The following FRAS1 variants were observed in gnomAD, a reference collection of about 807,000 sequenced individuals.
FRAS1 encodes extracellular matrix organizing protein FRAS1.
FRAS1 carries 290 observed loss-of-function variants against 435.2 expected under a neutral mutation model. The ratio of observed to expected loss-of-function variants is 0.67; its 90% CI spans 0.61 to 0.73. FRAS1 has a LOEUF of 0.73. FRAS1 is among the 30% of genes least tolerant of loss of function. The pLI, the probability that FRAS1 is intolerant of heterozygous loss-of-function variation, is 0.00. For missense variants in FRAS1, 4,860 were observed against 5,001.5 expected (o/e 0.97, Z 0.85); for synonymous variants, 1,800 against 1,851.0 (o/e 0.97, Z 0.71).
chr4:78,254,022 A>G (rs531074153), intron 5 of FRAS1, among the ~76,000 whole-genome samples: 6 of 35,622 alleles, frequency 1.7e-4, no homozygotes, highest in Non-Finnish European at 3.4e-4. Flanking sequence ...AAATAAAGAC[A>G]TGCTCCCCAT....
At chr4:78,081,843 A>G (rs1359714521) in intron 2 of FRAS1, among the ~76,000 whole-genome samples, 1 of 152,082 alleles carries the variant, frequency 6.6e-6, no homozygotes, top group Admixed American at 6.6e-5. Flanking sequence ...CCTTTCTCAA[A>G]GAACCCTGGT....
At chr4:78,319,942 G>A (rs866226000) in intron 18 of FRAS1, among the ~76,000 whole-genome samples, 2 of 152,248 alleles carry the variant, frequency 1.3e-5, no homozygotes, top group South Asian at 4.1e-4. Flanking sequence ...ACCTCTCTAA[G>A]TGTTTGCATT....
At chr4:78,138,612 T>G (rs749669103) in intron 2 of FRAS1, among the ~76,000 whole-genome samples, 2 of 152,216 alleles carry the variant, frequency 1.3e-5, no homozygotes, top group African/African-American at 2.4e-5. Context: ...TACCATTGTG[T>G]GTTCCTGGAC....
chr4:78,534,032 C>T (rs1433837006), intron 70 of FRAS1, among the ~76,000 whole-genome samples: 5 of 152,058 alleles, frequency 3.3e-5, no homozygotes, highest in Non-Finnish European at 5.9e-5. Flanking sequence ...TATCGCCTAG[C>T]AAGTCCTGAA....
intron 20 of FRAS1, among the ~76,000 whole-genome samples, chr4:78,338,671 T>C (rs897116917): frequency 6.6e-6 from 1 of 152,094 alleles, no homozygotes; most frequent in African/African-American, 2.4e-5. Context: ...TGCTGAGAGG[T>C]TGACCAGGCT....
chr4:78,202,801 C>T (rs958673530), intron 2 of FRAS1, among the ~76,000 whole-genome samples: 2 of 152,240 alleles, frequency 1.3e-5, no homozygotes, highest in Admixed American at 6.5e-5. Context: ...GCTCCCACAC[C>T]CACGTGTTAA....
chr4:78,197,436 C>G (rs989682970), intron 2 of FRAS1, among the ~76,000 whole-genome samples: 5 of 152,148 alleles, frequency 3.3e-5, no homozygotes, highest in Admixed American at 1.3e-4. Context: ...TCTTCATCCT[C>G]ATCATCTTTA....
chr4:78,540,894 A>C lies in FRAS1; in HGVS notation c.11809A>C (p.Lys3937Gln). The C allele has an allele frequency of 6.2e-7, 1 of 1,613,990 alleles. No homozygotes were observed. The highest frequency in any genetic ancestry group is 8.5e-7 in the Non-Finnish European group (1 of 1,179,902). ...GAAATGCCAGAAACAGAGGAAGAAGAAGCCCGCAGAGGACATTTTGGAAGA... is the reference window on the plus strand; with the variant it reads ...GAAATGCCAGAAACAGAGGAAGAAGCAGCCCGCAGAGGACATTTTGGAAGA... Reference protein sequence around the residue: ...NRKCQKQRKKKPAEDILEEYP... With the variant: ...NRKCQKQRKKQPAEDILEEYP... The change falls in exon 74 of 74, where the codon AAG becomes CAG. Residue 3937 changes from lysine (K) to glutamine (Q), a missense_variant. Coordinates refer to ENST00000512123, the MANE Select transcript of FRAS1 (RefSeq NM_025074.7).
At chr4:78,443,459 A>C (rs1179826914) in intron 41 of FRAS1, among the ~76,000 whole-genome samples, 2 of 152,258 alleles carry the variant, frequency 1.3e-5, no homozygotes, top group Non-Finnish European at 1.5e-5. Flanking sequence ...TTTCACCAAG[A>C]AAAGAAAGAA....
chr4:78,481,693 C>A (rs1302745874), intron 56 of FRAS1, 111 bp from the exon 57 acceptor site: 1 of 1,228,446 alleles, frequency 8.1e-7, no homozygotes, highest in Non-Finnish European at 1.2e-6. Context: ...TAGAAAAGCT[C>A]AAAGGGCTAA....
At chr4:78,119,087 A>C (rs1441954610) in intron 2 of FRAS1, among the ~76,000 whole-genome samples, 4 of 152,180 alleles carry the variant, frequency 2.6e-5, no homozygotes, top group African/African-American at 9.7e-5. Flanking sequence ...GTATATATTC[A>C]TGAGGTACGT....
At position 78,355,594 on chromosome 4, in the gene FRAS1, T is replaced by A. The variant is rs569313784; in HGVS notation, c.2423-7919T>A. ...TACAGGCAGGAAGGTCAGATGCAGA[T>A]GCCTTACTGCACAGATGGGGCTTTT... On this transcript the variant is annotated intron_variant, in intron 20 of 73. Transcript: ENST00000512123. Among the ~76,000 whole-genome samples, 163 of 152,352 alleles carry A rather than the reference T, an allele frequency of 1.1e-3. 1 individual carries two copies. The highest frequency in any genetic ancestry group is 3.6e-3 in the African/African-American group (151 of 41,584).
intron 27 of FRAS1, among the ~76,000 whole-genome samples, chr4:78,383,407 A>G (rs1169517304): frequency 1.3e-5 from 2 of 151,978 alleles, no homozygotes; most frequent in South Asian, 2.1e-4. Context: ...TCATTTCTCT[A>G]TTACACTCAG....
intron 29 of FRAS1, among the ~76,000 whole-genome samples, chr4:78,391,451 A>C (rs1245280045): frequency 6.6e-6 from 1 of 152,234 alleles, no homozygotes; most frequent in Non-Finnish European, 1.5e-5. Flanking sequence ...CCTGCTGCAG[A>C]TATGATTCTA....
chr4:78,459,391 T>G (rs1719302002), intron 47 of FRAS1, among the ~76,000 whole-genome samples: 1 of 152,214 alleles, frequency 6.6e-6, no homozygotes, highest in Non-Finnish European at 1.5e-5. Context: ...CATAATTTGG[T>G]ACACACATAA....
At chr4:78,365,211 T>C (rs1563258) in intron 22 of FRAS1, among the ~76,000 whole-genome samples, 25,447 of 152,194 alleles carry the variant, frequency 0.17, 2,736 homozygotes, top group East Asian at 0.34. Context: ...AGATTTGCAT[T>C]AGTTATATGA....
intron 17 of FRAS1, among the ~76,000 whole-genome samples, chr4:78,317,876 C>G (rs1049183909): frequency 5.9e-5 from 9 of 152,132 alleles, no homozygotes; most frequent in African/African-American, 2.2e-4. Context: ...AATGACACTG[C>G]TGAGCAAACT....
chr4:78,448,729 G>A (rs780673349), intron 44 of FRAS1, among the ~76,000 whole-genome samples: 7 of 152,108 alleles, frequency 4.6e-5, no homozygotes, highest in Non-Finnish European at 1.0e-4. Context: ...TGCATGGAGG[G>A]TAAGCTGGGA....
At chr4:78,507,680 C>T in intron 62 of FRAS1, 72 bp downstream of exon 62, 1 of 1,407,092 alleles carries the variant, frequency 7.1e-7, no homozygotes, top group Non-Finnish European at 9.6e-7. Flanking sequence ...AAGGGAAGTA[C>T]TCTATTTCTT....
Sources: allele counts gnomAD v4.1 joint callset (sites outside exome capture counted in the v4.1 genomes callset), GRCh38; gene constraint gnomAD v4.1.1; transcripts MANE v1.5; gene names NCBI Gene and HGNC (gene_info 2026-07-23, HGNC 2026-07-21).